Variants in ZNF292 observed in about 807,000 individuals in gnomAD.
The protein encoded by ZNF292 is 16 zinc-finger domain protein.
Under a neutral mutation model 217.9 loss-of-function variants are expected in ZNF292, and 26 were observed. The ratio of observed to expected loss-of-function variants is 0.12; its 90% CI spans 0.09 to 0.17. The LOEUF is 0.17. Ranked by LOEUF, ZNF292 falls within the 10% of genes least tolerant of loss-of-function variation. The pLI, the probability that ZNF292 is intolerant of heterozygous loss-of-function variation, is 1.00. For synonymous variants in ZNF292, 1,257 were observed against 1,124.1 expected, an observed-to-expected ratio of 1.12 and a Z score of -2.37; for missense variants, 2,904 against 3,175.2, an observed-to-expected ratio of 0.91 and a Z score of 2.05.
chr6:87,221,497 T>C (rs1022023654), intron 4 of ZNF292, among the ~76,000 whole-genome samples: 4 of 152,166 alleles, frequency 2.6e-5, no homozygotes, highest in Non-Finnish European at 4.4e-5. Flanking sequence ...ATTGTGAAAA[T>C]TGTGAAAACT....
intron 4 of ZNF292, 68 bp from the exon 5 acceptor site, chr6:87,233,257 A>T: frequency 9.0e-7 from 1 of 1,110,928 alleles, no homozygotes. Context: ...AATATTTCTT[A>T]TAAGTGTTGG....
intron 5 of ZNF292, among the ~76,000 whole-genome samples, chr6:87,233,957 T>C (rs1268561775): frequency 2.0e-5 from 3 of 152,210 alleles, no homozygotes; most frequent in Admixed American, 6.5e-5. Context: ...ATATAGAATA[T>C]ATATATGCAC....
chr6:87,178,288 G>T (rs900184324), intron 1 of ZNF292, among the ~76,000 whole-genome samples: 1 of 152,184 alleles, frequency 6.6e-6, no homozygotes, highest in South Asian at 2.1e-4. Context: ...TTGCTGAATT[G>T]TAAGTAATTA....
intron 1 of ZNF292, among the ~76,000 whole-genome samples, chr6:87,191,169 C>T (rs1164633357): frequency 6.6e-6 from 1 of 151,876 alleles, no homozygotes; most frequent in Non-Finnish European, 1.5e-5. Context: ...ATAGTATGGA[C>T]ATTCTATAAT....
intron 1 of ZNF292, among the ~76,000 whole-genome samples, chr6:87,180,308 T>G (rs1013083913): frequency 3.9e-5 from 6 of 152,164 alleles, no homozygotes; most frequent in African/African-American, 1.4e-4. Flanking sequence ...GAGTGGAGAG[T>G]GCTGGAAGGA....
At chr6:87,237,540 C>A (rs1773962906) in intron 5 of ZNF292, among the ~76,000 whole-genome samples, 1 of 152,206 alleles carries the variant, frequency 6.6e-6, no homozygotes, top group African/African-American at 2.4e-5. Flanking sequence ...CCGCACCCAA[C>A]TGAAACTGTT....
chr6:87,171,538 G>A (rs988780155), intron 1 of ZNF292, among the ~76,000 whole-genome samples: 1 of 152,046 alleles, frequency 6.6e-6, no homozygotes, highest in Non-Finnish European at 1.5e-5. Context: ...GTAATTGTTA[G>A]CTATTAATAC....
chr6:87,239,211 G>A (rs1402450207), intron 5 of ZNF292, among the ~76,000 whole-genome samples: 1 of 152,236 alleles, frequency 6.6e-6, no homozygotes, highest in South Asian at 2.1e-4. Flanking sequence ...TCCCAGACGG[G>A]GTGGCGGCCG....
chr6:87,250,490 C>T (rs2127849047), intron 7 of ZNF292, among the ~76,000 whole-genome samples: 1 of 152,114 alleles, frequency 6.6e-6, no homozygotes, highest in Non-Finnish European at 1.5e-5. Flanking sequence ...TTCCAAAAAG[C>T]AAAACTTGAG....
rs1475493937 is a variant in ZNF292, at chr6:87,169,743, C to T, written c.168+13984C>T. The stretch of plus-strand genomic sequence containing the variant: ...CTCACTTCAGCGTCCACCTCCCGGG[C>T]TCAAGTGATCCTCCCACCTCAGCCT... On this transcript the variant is annotated intron_variant, in intron 1 of 7. Coordinates refer to ENST00000369577, the MANE Select transcript of ZNF292 (RefSeq NM_015021.3). 3 of 435,408 alleles carry T rather than the reference C, an allele frequency of 6.9e-6. No individual in the cohort carries two copies. In the East Asian group the frequency reaches 2.3e-4, roughly 33 times the overall value. The allele number at this position is 435,408 out of a possible 1,614,324, so 27.0% of individuals were successfully genotyped here.
intron 4 of ZNF292, among the ~76,000 whole-genome samples, chr6:87,228,474 C>T (rs776067801): frequency 1.1e-4 from 16 of 152,120 alleles, no homozygotes; most frequent in Non-Finnish European, 1.9e-4. Context: ...GCCTATGACA[C>T]ATTTGGTGTC....
At position 87,258,234 on chromosome 6, in the gene ZNF292, C is replaced by G; in HGVS notation, c.4605C>G (p.Pro1535=). 18 of 1,612,558 alleles carry G rather than the reference C, an allele frequency of 1.1e-5. No individual in the cohort carries two copies. Among genetic ancestry groups the G allele is most frequent in the Non-Finnish European group, 1.5e-5 (18 of 1,179,408 alleles). Residue 1535 remains proline (P), a synonymous_variant, in exon 8 of 8, where the codon CCC becomes CCG. Coordinates refer to ENST00000369577, the MANE Select transcript of ZNF292 (RefSeq NM_015021.3). ...ATVMPNPTVP[P]LLHTVCHPNT... is the part of the protein sequence containing the mutation. ...TGATGCCAAATCCAACTGTACCACC[C>G]CTGTTGCACACTGTATGCCATCCAA...
rs973725738 is a variant in ZNF292 at position 87,260,080 on chromosome 6, G to A, written c.6451G>A (p.Glu2151Lys). 4 of 1,613,518 alleles carry A rather than the reference G, an allele frequency of 2.5e-6. No individual in the cohort carries two copies. The highest frequency in any genetic ancestry group is 2.2e-5 in the East Asian group (1 of 44,874). ...TCTACCTGCATTTTCAGCAGAGGTC[G>A]AAGAGGAAAGTGAAGCTGGTAAAGA... ...SDLPAFSAEV[E>K]EESEAGKESE... The change falls in exon 8 of 8, where the codon GAA becomes AAA. Residue 2151 changes from glutamate to lysine, a missense_variant. Coordinates refer to ENST00000369577, the MANE Select transcript of ZNF292 (RefSeq NM_015021.3).
At position 87,182,318 on chromosome 6, in the gene ZNF292, C is replaced by G. The variant is rs115028552; in HGVS notation, c.168+26559C>G. On this transcript the variant is annotated intron_variant, in intron 1 of 7. Coordinates refer to ENST00000369577, the MANE Select transcript of ZNF292 (RefSeq NM_015021.3). The stretch of plus-strand genomic sequence containing the variant: ...ATATTGTAATTTAAACAAGAAACAT[C>G]AAATGAGAACTTTTCAATTCTATTA... Among the ~76,000 whole-genome samples, 501 of 152,252 alleles carry G rather than the reference C, an allele frequency of 3.3e-3. 2 individuals carry two copies. Among genetic ancestry groups the G allele is most frequent in the African/African-American group, 0.012 (482 of 41,560 alleles).
At chr6:87,222,393 G>A (rs555685631) in intron 4 of ZNF292, among the ~76,000 whole-genome samples, 3 of 152,148 alleles carry the variant, frequency 2.0e-5, no homozygotes, top group African/African-American at 7.2e-5. Context: ...CTCCTTTTCT[G>A]TCTAAAGGAT....
chr6:87,205,445 A>G (rs1431968725), intron 1 of ZNF292, among the ~76,000 whole-genome samples: 1 of 152,040 alleles, frequency 6.6e-6, no homozygotes, highest in Non-Finnish European at 1.5e-5. Flanking sequence ...TAGTTTCTTA[A>G]TAGGTAAAGG....
intron 1 of ZNF292, among the ~76,000 whole-genome samples, chr6:87,182,906 T>A (rs768764379): frequency 2.0e-5 from 3 of 152,170 alleles, no homozygotes; most frequent in Non-Finnish European, 4.4e-5. Flanking sequence ...CTTCACTGTT[T>A]GTGACAACTT....
chr6:87,258,234 C>T lies in ZNF292; in HGVS notation c.4605C>T (p.Pro1535=). 6.2e-7 allele frequency: 1 copy of T among 1,612,558 alleles called. No homozygotes were observed. The highest frequency in any genetic ancestry group is 8.5e-7 in the Non-Finnish European group (1 of 1,179,408). ...ATVMPNPTVP[P]LLHTVCHPNT... ...TGATGCCAAATCCAACTGTACCACCCCTGTTGCACACTGTATGCCATCCAA... is the reference window on the plus strand; with the variant it reads ...TGATGCCAAATCCAACTGTACCACCTCTGTTGCACACTGTATGCCATCCAA... Residue 1535 remains proline (P), a synonymous_variant, in exon 8 of 8, where the codon CCC becomes CCT. Coordinates refer to ENST00000369577, the MANE Select transcript of ZNF292 (RefSeq NM_015021.3).
chr6:87,181,083 T>C (rs1337992381), intron 1 of ZNF292, among the ~76,000 whole-genome samples: 1 of 152,168 alleles, frequency 6.6e-6, no homozygotes, highest in Non-Finnish European at 1.5e-5. Flanking sequence ...CAAAGCTCTT[T>C]CTTTCAGCTT....
Sources: allele counts gnomAD v4.1 joint callset (sites outside exome capture counted in the v4.1 genomes callset), GRCh38; gene constraint gnomAD v4.1.1; transcripts MANE v1.5; gene names NCBI Gene and HGNC (gene_info 2026-07-23, HGNC 2026-07-21).